Variants in TRAM2 observed in about 807,000 individuals in gnomAD.
The protein encoded by TRAM2 is translocating chain-associated membrane protein 2.
A neutral mutation model predicts 51.0 loss-of-function variants in TRAM2; 12 were observed. The ratio of observed to expected loss-of-function variants is 0.24; its 90% confidence interval spans 0.15 to 0.38. The LOEUF is 0.38. TRAM2 is among the 10% of genes least tolerant of loss of function. The pLI is 1.00. For synonymous variants in TRAM2, 175 were observed against 179.4 expected (o/e 0.98, Z 0.20); for missense variants, 361 against 462.0 (o/e 0.78, Z 2.00).
At chr6:52,528,745 G>C (rs1310005797) in intron 2 of TRAM2, among the ~76,000 whole-genome samples, 1 of 152,132 alleles carries the variant, frequency 6.6e-6, no homozygotes, top group African/African-American at 2.4e-5. Flanking sequence ...TGTTACCTTT[G>C]ATCACTGTAA....
At chr6:52,554,755 T>TA (rs1767373295) in intron 1 of TRAM2, among the ~76,000 whole-genome samples, 1 of 149,210 alleles carries the variant, frequency 6.7e-6, no homozygotes, top group Non-Finnish European at 1.5e-5. Context: ...CATTTCCACT[T>TA]AGAGTCAATC....
chr6:52,507,449 A>C, intron 7 of TRAM2, 104 bp downstream of exon 7: 1 of 1,173,694 alleles, frequency 8.5e-7, no homozygotes, highest in East Asian at 2.4e-5. Flanking sequence ...AGTGCTAGGC[A>C]CACAGAGGAT....
chr6:52,507,487 G>A, intron 7 of TRAM2, 66 bp downstream of exon 7: 1 of 1,502,366 alleles, frequency 6.7e-7, no homozygotes, highest in African/African-American at 1.4e-5. Context: ...AATTATATGA[G>A]TGTGTGGACA....
chr6:52,534,902 T>G (rs528099068), intron 2 of TRAM2, among the ~76,000 whole-genome samples: 3 of 152,326 alleles, frequency 2.0e-5, no homozygotes, highest in African/African-American at 7.2e-5. Context: ...CTCTGGTACC[T>G]GGCATGATGC....
At chr6:52,524,668 T>C (rs1300463132) in intron 2 of TRAM2, 1 of 152,252 alleles carries the variant, frequency 6.6e-6, no homozygotes, top group African/African-American at 2.4e-5. Context: ...TGTATTTCTA[T>C]TCAAAAAACA....
At position 52,502,749 on chromosome 6, in the gene TRAM2, C is replaced by A; in HGVS notation, c.*448G>T. 1 of 172,998 alleles carries A rather than the reference C, an allele frequency of 5.8e-6. No homozygotes were observed. The highest frequency in any genetic ancestry group is 1.2e-5 in the Non-Finnish European group (1 of 81,054). 10.7% of individuals were successfully genotyped at this position (172,998 alleles called of 1,614,324 possible). A position where few individuals can be genotyped will look rare whatever the true frequency, so the allele number is the denominator to read the frequency against. ...CTACCAGCCCCAGGCTTCTGACCGG[C>A]AGGCCCTGGGGGACCGAAGGACAGG... is the stretch of plus-strand genomic sequence containing the variant. On this transcript the variant is annotated 3_prime_UTR_variant, in exon 11 of 11. Transcript: ENST00000182527.
At chr6:52,518,288 C>A (rs1396425605) in intron 2 of TRAM2, among the ~76,000 whole-genome samples, 4 of 152,108 alleles carry the variant, frequency 2.6e-5, no homozygotes, top group Admixed American at 1.3e-4. Flanking sequence ...CCAGAGAAAG[C>A]AGCATCCACA....
Position 52,503,164 on chromosome 6 carries a change from A to C in TRAM2, c.*33T>G, listed in dbSNP as rs1766269609. ...GCTCCTTGCCCCCTGCTCGGCCCCCACCAAGAGGATTCCTGTTCTTAGCAC... is the reference window on the plus strand; with the variant it reads ...GCTCCTTGCCCCCTGCTCGGCCCCCCCCAAGAGGATTCCTGTTCTTAGCAC... On this transcript the variant is annotated 3_prime_UTR_variant, in exon 11 of 11. Coordinates refer to ENST00000182527, the MANE Select transcript of TRAM2 (RefSeq NM_012288.4). 1.9e-6 allele frequency: 3 copies of C among 1,595,848 alleles called. No homozygotes were observed. The Admixed American group carries it at 5.0e-5, about 27-fold the overall frequency.
intron 2 of TRAM2, among the ~76,000 whole-genome samples, chr6:52,521,557 C>T (rs1034313183): frequency 2.9e-4 from 44 of 151,616 alleles, no homozygotes; most frequent in African/African-American, 1.0e-3. Flanking sequence ...ATTAGCCGGG[C>T]GTGGTGGCGG....
Position 52,576,442 on chromosome 6 carries a change from TG to T in TRAM2, c.120+353del, listed in dbSNP as rs1767766983. ...CTGCGGGTCTGGGAGTCTCTGGGCT[TG>T]GCTCCTGGACGCCAGAAAGGGAACC... On this transcript the variant is annotated intron_variant, in intron 1 of 10. Coordinates refer to ENST00000182527, the MANE Select transcript of TRAM2 (RefSeq NM_012288.4). 2.6e-5 allele frequency among the ~76,000 whole-genome samples: 4 copies of T among 152,302 alleles called. No homozygotes were observed. In the South Asian group the frequency reaches 6.2e-4, roughly 24 times the overall value.
At chr6:52,571,476 C>T (rs1260784256) in intron 1 of TRAM2, among the ~76,000 whole-genome samples, 1 of 152,190 alleles carries the variant, frequency 6.6e-6, no homozygotes, top group Non-Finnish European at 1.5e-5. Flanking sequence ...AGGGTTCAGA[C>T]AACAGAGCAG....
chr6:52,532,534 C>G (rs560320339), intron 2 of TRAM2, among the ~76,000 whole-genome samples: 1 of 152,038 alleles, frequency 6.6e-6, no homozygotes, highest in Non-Finnish European at 1.5e-5. Context: ...TTTGGCAATA[C>G]ATACATAAAA....
In TRAM2 at chr6:52,509,642, G is replaced by A. The variant is rs986132493; in HGVS notation, c.412-56C>T. 7 of 1,569,400 alleles carry A rather than the reference G, an allele frequency of 4.5e-6. No homozygotes were observed. In the Admixed American group the frequency reaches 5.0e-5, roughly 11 times the overall value. On this transcript the variant is annotated intron_variant, in intron 4 of 10. Transcript: ENST00000182527. ...AGATGTGGACGTGAGACCTGCTGGGGCCCTGGGACCGGTCCAGGGGTCAGG... is the reference window on the plus strand; with the variant it reads ...AGATGTGGACGTGAGACCTGCTGGGACCCTGGGACCGGTCCAGGGGTCAGG...
chr6:52,566,573 A>G (rs1260844310), intron 1 of TRAM2, among the ~76,000 whole-genome samples: 1 of 151,654 alleles, frequency 6.6e-6, no homozygotes, highest in Non-Finnish European at 1.5e-5. Context: ...GGCTCCCATT[A>G]CCTCCAGGAC....
At chr6:52,528,881 C>T (rs1766831281) in intron 2 of TRAM2, among the ~76,000 whole-genome samples, 1 of 143,574 alleles carries the variant, frequency 7.0e-6, no homozygotes, top group Non-Finnish European at 1.5e-5. Context: ...CAAACGTGTA[C>T]ATGACTTTTT....
At chr6:52,510,172 G>A (rs1017678314) in intron 4 of TRAM2, among the ~76,000 whole-genome samples, 1 of 152,190 alleles carries the variant, frequency 6.6e-6, no homozygotes, top group Non-Finnish European at 1.5e-5. Flanking sequence ...CTACCACACT[G>A]TGTCATTACT....
chr6:52,504,190 G>A (rs1160133653), intron 10 of TRAM2, among the ~76,000 whole-genome samples: 2 of 152,240 alleles, frequency 1.3e-5, no homozygotes, highest in Non-Finnish European at 1.5e-5. Flanking sequence ...GGAGGCAGGG[G>A]CAGGCTAAGA....
At chr6:52,515,257 G>C (rs1464998963) in intron 4 of TRAM2, among the ~76,000 whole-genome samples, 1 of 152,238 alleles carries the variant, frequency 6.6e-6, no homozygotes, top group East Asian at 1.9e-4. Flanking sequence ...GCTCCAGGTG[G>C]TGGTGGGTAC....
At chr6:52,573,305 A>G (rs2268704) in intron 1 of TRAM2, among the ~76,000 whole-genome samples, 72,934 of 151,934 alleles carry the variant, frequency 0.48, 18,028 homozygotes, top group African/African-American at 0.58. Flanking sequence ...ATACCCCCCA[A>G]CCAGCTGTCC....
Sources: gnomAD v4.1 joint callset for allele counts (sites outside exome capture counted in the v4.1 genomes callset) on GRCh38, gnomAD v4.1.1 for gene constraint, MANE v1.5 for transcripts, NCBI Gene and HGNC (gene_info 2026-07-23, HGNC 2026-07-21) for gene names.